DNAH11: variants seen among roughly 807,000 people sequenced by gnomAD.
DNAH11 encodes the protein axonemal beta dynein heavy chain 11.
Under a neutral mutation model 526.0 loss-of-function variants are expected in DNAH11, and 442 were observed. The ratio of observed to expected loss-of-function variants is 0.84; its 90% CI spans 0.78 to 0.91. The LOEUF (loss-of-function observed/expected upper bound fraction) is 0.91. Ranked by LOEUF, DNAH11 falls within the 40% of genes least tolerant of loss-of-function variation. The probability of loss-of-function intolerance (pLI) is 0.00; values close to 1 mark genes in which losing one functional copy is unlikely to be tolerated. For missense variants in DNAH11, 6,989 were observed against 5,448.7 expected, an observed-to-expected ratio of 1.28 and a Z score of -8.90; for synonymous variants, 2,461 against 1,935.9, an observed-to-expected ratio of 1.27 and a Z score of -7.12.
intron 66 of DNAH11, chr7:21,851,702 G>T: frequency 2.1e-6 from 1 of 469,996 alleles, no homozygotes; most frequent in Non-Finnish European, 4.4e-6. Flanking sequence ...TTTAATTCAA[G>T]CTCTACTTGC....
intron 28 of DNAH11, 87 bp downstream of exon 28, chr7:21,639,152 AT>A: frequency 7.0e-7 from 1 of 1,437,694 alleles, no homozygotes; most frequent in Non-Finnish European, 9.2e-7. Context: ...GCTACCTGTC[AT>A]GTCACGTGGG....
Position 21,848,424 on chromosome 7 carries a change from A to G in DNAH11, c.10897-4043A>G, listed in dbSNP as rs76003121. 7.0e-3 allele frequency among the ~76,000 whole-genome samples: 1,058 copies of G among 151,898 alleles called. 12 individuals are homozygous for G. Among genetic ancestry groups the G allele is most frequent in the African/African-American group, 0.024 (998 of 41,430 alleles). ...GTCTTGTTTTTTATCTACTATGTCA[A>G]TATAATTCACATTTAAAGAGATTGT... On this transcript the variant is annotated intron_variant, in intron 66 of 81. Coordinates refer to ENST00000409508, the MANE Select transcript of DNAH11 (RefSeq NM_001277115.2).
chr7:21,735,579 C>T, intron 45 of DNAH11, 61 bp from the exon 46 acceptor site: 1 of 1,466,644 alleles, frequency 6.8e-7, no homozygotes, highest in Non-Finnish European at 9.2e-7. Flanking sequence ...TGGAATGCCT[C>T]TCTCTCGCAC....
At position 21,711,797 on chromosome 7, in the gene DNAH11, C is replaced by A. The variant is rs1583617784; in HGVS notation, c.6920C>A (p.Thr2307Asn). The A allele has an allele frequency of 6.2e-7, 1 of 1,613,898 alleles. No individual in the cohort carries two copies. Among genetic ancestry groups the A allele is most frequent in the African/African-American group, 1.3e-5 (1 of 75,046 alleles). Reference sequence around the variant, plus strand: ...GAGATACATCACTTAAGGAGCGCAACCCCGGCCACTGTTTCCAGAGCTGGT... The same window carrying A: ...GAGATACATCACTTAAGGAGCGCAAACCCGGCCACTGTTTCCAGAGCTGGT... ...LFEIHHLRSA[T>N]PATVSRAGIL... The change falls in exon 42 of 82, where the codon ACC becomes AAC. Residue 2307 changes from threonine (T) to asparagine (N), a missense_variant. Transcript: ENST00000409508.
intron 8 of DNAH11, among the ~76,000 whole-genome samples, chr7:21,577,211 A>G (rs765369844): frequency 1.1e-4 from 16 of 152,332 alleles, no homozygotes; most frequent in East Asian, 9.7e-4. Context: ...CAAGAAGGAG[A>G]GAGCTTAACA....
Position 21,545,011 on chromosome 7 carries a change from A to G in DNAH11, c.357A>G (p.Pro119=), listed in dbSNP as rs766444917. 1.3e-6 allele frequency: 2 copies of G among 1,580,308 alleles called. No individual in the cohort carries two copies. Among genetic ancestry groups the G allele is most frequent in the East Asian group, 2.3e-5 (1 of 44,320 alleles). ...TTATCTTGCTCTTGTTTTAGATTCC[A>G]AGAGATGCAAACCATAAACTTGTTT... ...SGRLAASQEI[P]RDANHKLVFI... is the part of the protein sequence containing the mutation. Residue 119 remains proline (P), a synonymous_variant, in exon 2 of 82, where the codon CCA becomes CCG. Transcript: ENST00000409508.
At position 21,667,595 on chromosome 7, in the gene DNAH11, G is replaced by A. The variant is rs538539258; in HGVS notation, c.5328+8564G>A. 2.0e-4 allele frequency among the ~76,000 whole-genome samples: 31 copies of A among 152,120 alleles called. 1 individual carries two copies. The highest frequency in any genetic ancestry group is 1.8e-3 in the Admixed American group (28 of 15,264). On this transcript the variant is annotated intron_variant, in intron 30 of 81. Transcript: ENST00000409508. ...TGAGAGATGGAGGTAAGAGAAAAAA[G>A]GATTTGTCACCCATATATGCCATTG...
rs745554406 is a variant in DNAH11 at position 21,571,787 on chromosome 7, T to C, written c.1426-19T>C. On this transcript the variant is annotated intron_variant, in intron 7 of 81. Coordinates refer to ENST00000409508, the MANE Select transcript of DNAH11 (RefSeq NM_001277115.2). ...CTGCTCAATGTAGTGGAAAGGTCTT[T>C]ACTGTGTTTTTTACAAAGGATATAT... 6.3e-6 allele frequency: 10 copies of C among 1,595,368 alleles called. No individual in the cohort carries two copies. Among genetic ancestry groups the C allele is most frequent in the African/African-American group, 4.1e-5 (3 of 73,988 alleles).
chr7:21,781,919 T>C (rs1190010051), intron 57 of DNAH11, among the ~76,000 whole-genome samples: 1 of 152,196 alleles, frequency 6.6e-6, no homozygotes, highest in Non-Finnish European at 1.5e-5. Context: ...ACATGATCTT[T>C]TCACTGTGAT....
At chr7:21,719,626 G>C (rs1351592899) in intron 43 of DNAH11, among the ~76,000 whole-genome samples, 2 of 152,126 alleles carry the variant, frequency 1.3e-5, no homozygotes, top group Non-Finnish European at 2.9e-5. Context: ...TCTATTAAAA[G>C]ATTATTTCAA....
intron 43 of DNAH11, among the ~76,000 whole-genome samples, chr7:21,718,911 A>G (rs1369751356): frequency 6.6e-6 from 1 of 152,208 alleles, no homozygotes; most frequent in Non-Finnish European, 1.5e-5. Context: ...AACAGTAATT[A>G]TCTGAGGTAT....
intron 54 of DNAH11, among the ~76,000 whole-genome samples, chr7:21,753,497 A>G (rs1332402603): frequency 6.6e-6 from 1 of 152,236 alleles, no homozygotes; most frequent in Non-Finnish European, 1.5e-5. Context: ...CCTCTGAAAT[A>G]CATTTTTTAT....
At chr7:21,567,294 T>C (rs1468509762) in intron 6 of DNAH11, among the ~76,000 whole-genome samples, 2 of 152,184 alleles carry the variant, frequency 1.3e-5, no homozygotes, top group South Asian at 2.1e-4. Flanking sequence ...TTTTCTATAA[T>C]TGTATTTCCT....
At chr7:21,559,033 G>T in intron 3 of DNAH11, 35 bp downstream of exon 3, 1 of 1,532,216 alleles carries the variant, frequency 6.5e-7, no homozygotes, top group Non-Finnish European at 8.8e-7. Flanking sequence ...GGATATTAAA[G>T]TAGAGAGCCA....
intron 28 of DNAH11, among the ~76,000 whole-genome samples, chr7:21,645,413 T>A (rs1787310051): frequency 6.6e-6 from 1 of 152,224 alleles, no homozygotes; most frequent in South Asian, 2.1e-4. Context: ...GAAGAATAAG[T>A]GTGCCAGGGG....
At chr7:21,592,701 G>A (rs1274309455) in intron 14 of DNAH11, among the ~76,000 whole-genome samples, 1 of 152,236 alleles carries the variant, frequency 6.6e-6, no homozygotes, top group Non-Finnish European at 1.5e-5. Context: ...CATAGTGCTA[G>A]TGATCAAGGC....
Position 21,866,636 on chromosome 7 carries a change from G to C in DNAH11, c.11663G>C (p.Arg3888Pro). 6.2e-7 allele frequency: 1 copy of C among 1,613,304 alleles called. No individual in the cohort carries two copies. Among genetic ancestry groups the C allele is most frequent in the Non-Finnish European group, 8.5e-7 (1 of 1,179,578 alleles). The change falls in exon 71 of 82, where the codon CGC becomes CCC. Residue 3888 changes from arginine to proline, a missense_variant. Coordinates refer to ENST00000409508, the MANE Select transcript of DNAH11 (RefSeq NM_001277115.2). ...AAGCTGATTCTTCTGAGAGCAATGC[G>C]CCCTGACAGAATGACGTATGCTCTC... is the stretch of plus-strand genomic sequence containing the variant. ...IQKLILLRAM[R>P]PDRMTYALRN...
chr7:21,634,728 GGT>G (rs1786774937), intron 25 of DNAH11, among the ~76,000 whole-genome samples: 1 of 151,974 alleles, frequency 6.6e-6, no homozygotes, highest in Non-Finnish European at 1.5e-5. Context: ...CCATTACCTG[GGT>G]GATGAAATCA....
At chr7:21,750,146 T>G in intron 53 of DNAH11, 76 bp from the exon 54 acceptor site, 1 of 1,467,074 alleles carries the variant, frequency 6.8e-7, no homozygotes, top group Non-Finnish European at 9.1e-7. Flanking sequence ...TGTAAAACAT[T>G]TCAAACGTTT....
Sources: allele counts gnomAD v4.1 joint callset (sites outside exome capture counted in the v4.1 genomes callset), GRCh38; gene constraint gnomAD v4.1.1; transcripts MANE v1.5; gene names NCBI Gene and HGNC (gene_info 2026-07-23, HGNC 2026-07-21).